BTG3: variants seen among roughly 807,000 people sequenced by gnomAD.
BTG3 encodes the protein protein BTG3.
A neutral mutation model predicts 25.8 loss-of-function variants in BTG3; 4 were observed. That is an observed-to-expected ratio of 0.16 (90% CI 0.08 to 0.36). The LOEUF (loss-of-function observed/expected upper bound fraction) is 0.36, where lower values mean the gene tolerates loss of function less well. Among genes scored for constraint, BTG3 ranks in the 10% least tolerant of loss-of-function variants. The pLI, the probability that BTG3 is intolerant of heterozygous loss-of-function variation, is 1.00. For synonymous variants in BTG3, 107 were observed against 99.9 expected (o/e 1.07, Z -0.42); for missense variants, 201 against 304.9 (o/e 0.66, Z 2.54).
At chr21:17,602,512 C>T (rs1226596051) in intron 3 of BTG3, among the ~76,000 whole-genome samples, 1 of 152,066 alleles carries the variant, frequency 6.6e-6, no homozygotes, top group African/African-American at 2.4e-5. Flanking sequence ...TTCTCAATGT[C>T]TTTTTCTTCT....
At chr21:17,601,892 A>T (rs1195830274) in intron 3 of BTG3, among the ~76,000 whole-genome samples, 1 of 152,188 alleles carries the variant, frequency 6.6e-6, no homozygotes, top group Non-Finnish European at 1.5e-5. Flanking sequence ...GATTTCTTTG[A>T]CACCTAGTTT....
At chr21:17,602,697 G>C (rs1174788656) in intron 3 of BTG3, among the ~76,000 whole-genome samples, 3 of 152,020 alleles carry the variant, frequency 2.0e-5, no homozygotes, top group Non-Finnish European at 4.4e-5. Context: ...TGAATGAAAA[G>C]GTTTTCTAAG....
intron 1 of BTG3, among the ~76,000 whole-genome samples, chr21:17,610,281 A>G (rs536777162): frequency 1.3e-5 from 2 of 152,324 alleles, no homozygotes; most frequent in East Asian, 3.9e-4. Flanking sequence ...TGAATATACT[A>G]AAACCATTGA....
At chr21:17,596,490 GTTT>G (rs1482546625) in intron 4 of BTG3, among the ~76,000 whole-genome samples, 1 of 151,580 alleles carries the variant, frequency 6.6e-6, no homozygotes, top group Non-Finnish European at 1.5e-5. Context: ...AGTTAGGTTC[GTTT>G]TTTTTCCTAC....
At chr21:17,599,984 A>G (rs1179008844) in intron 3 of BTG3, among the ~76,000 whole-genome samples, 1 of 152,220 alleles carries the variant, frequency 6.6e-6, no homozygotes, top group Non-Finnish European at 1.5e-5. Context: ...CTTAAATTAT[A>G]TTGCTTACTT....
Position 17,598,806 on chromosome 21 carries a change from A to C in BTG3, c.330T>G (p.Asn110Lys). 6.2e-7 allele frequency: 1 copy of C among 1,613,958 alleles called. No homozygotes were observed. The highest frequency in any genetic ancestry group is 8.5e-7 in the Non-Finnish European group (1 of 1,179,978). The change falls in exon 4 of 5, where the codon AAT becomes AAG. Residue 110 changes from asparagine to lysine, a missense_variant. Coordinates refer to ENST00000348354, the MANE Select transcript of BTG3 (RefSeq NM_006806.5). ...TTTCAAAGCTGGCAACAATGAATGC[A>C]TTGTTTTTCTCTCCATACCTAAGAA... ...EVCCRYGEKN[N>K]AFIVASFENK...
At chr21:17,598,519 C>G (rs1247748413) in intron 4 of BTG3, 98 bp downstream of exon 4, 1 of 1,009,890 alleles carries the variant, frequency 9.9e-7, no homozygotes, top group Admixed American at 2.7e-5. Context: ...TATCCAGAAT[C>G]TCAAGTCAGA....
intron 4 of BTG3, among the ~76,000 whole-genome samples, chr21:17,597,984 C>CA (rs1279965135): frequency 1.3e-5 from 2 of 152,024 alleles, no homozygotes; most frequent in African/African-American, 4.8e-5. Context: ...AGGCTCAACT[C>CA]AAAAAATCTC....
intron 4 of BTG3, among the ~76,000 whole-genome samples, chr21:17,598,294 C>T (rs1464381229): frequency 1.3e-5 from 2 of 152,086 alleles, no homozygotes; most frequent in Non-Finnish European, 2.9e-5. Context: ...CAAAGTGTTA[C>T]ATACTACAAA....
At chr21:17,604,745 A>C in intron 3 of BTG3, 115 bp downstream of exon 3, 1 of 1,277,046 alleles carries the variant, frequency 7.8e-7, no homozygotes, top group Non-Finnish European at 1.1e-6. Flanking sequence ...CATCTGAGAG[A>C]GTTAAACCAC....
At chr21:17,594,670 A>G (rs1316373281) in intron 4 of BTG3, among the ~76,000 whole-genome samples, 1 of 152,114 alleles carries the variant, frequency 6.6e-6, no homozygotes, top group African/African-American at 2.4e-5. Context: ...TGGCTAAGCC[A>G]GGAGTCACTT....
intron 1 of BTG3, among the ~76,000 whole-genome samples, chr21:17,610,021 TACA>T: frequency 6.6e-6 from 1 of 152,354 alleles, no homozygotes; most frequent in South Asian, 2.1e-4. Flanking sequence ...TAATATAAGC[TACA>T]ACATGGGTGA....
At chr21:17,594,635 G>C (rs902702773) in intron 4 of BTG3, among the ~76,000 whole-genome samples, 5 of 152,114 alleles carry the variant, frequency 3.3e-5, no homozygotes, top group Admixed American at 6.6e-5. Context: ...GGACATGCTT[G>C]TTTTAGTCCA....
chr21:17,593,664 A>C lies in BTG3; in HGVS notation c.*429T>G, dbSNP rs1390606038. 1.2e-5 allele frequency: 2 copies of C among 163,002 alleles called. No homozygotes were observed. Among genetic ancestry groups the C allele is most frequent in the African/African-American group, 2.4e-5 (1 of 41,830 alleles). The allele number at this position is 163,002 out of a possible 1,614,324, so 10.1% of individuals were successfully genotyped here. ...AGAAACACGCGTTGTCATGCCTCAAACTATTTTTTATTTGCAACTACATGA... is the reference window on the plus strand; with the variant it reads ...AGAAACACGCGTTGTCATGCCTCAACCTATTTTTTATTTGCAACTACATGA... On this transcript the variant is annotated 3_prime_UTR_variant, in exon 5 of 5. Transcript: ENST00000348354.
At position 17,598,695 on chromosome 21, in the gene BTG3, A is replaced by G. The variant is rs2061534844; in HGVS notation, c.441T>C (p.Ser147=). 6.2e-7 allele frequency: 1 copy of G among 1,614,168 alleles called. No homozygotes were observed. Among genetic ancestry groups the G allele is most frequent in the Non-Finnish European group, 8.5e-7 (1 of 1,180,016 alleles). Residue 147 remains serine, a synonymous_variant, in exon 4 of 5, where the codon TCT becomes TCC. Coordinates refer to ENST00000348354, the MANE Select transcript of BTG3 (RefSeq NM_006806.5). ...KVTSDYHSGS[S]SSDEETSKEM... Reference sequence around the variant, plus strand: ...CCTTACTTGTTTCTTCATCTGAAGAAGAGGATCCTGAATGATAATCAGAGG... The same window carrying G: ...CCTTACTTGTTTCTTCATCTGAAGAGGAGGATCCTGAATGATAATCAGAGG...
chr21:17,596,277 ATGAT>A (rs1405527520), intron 4 of BTG3, among the ~76,000 whole-genome samples: 1 of 152,034 alleles, frequency 6.6e-6, no homozygotes, highest in Non-Finnish European at 1.5e-5. Context: ...GAACAAAAAG[ATGAT>A]TAATTTTGAT....
At position 17,606,320 on chromosome 21, in the gene BTG3, G is replaced by A. The variant is rs77035536; in HGVS notation, c.174-1323C>T. Among the ~76,000 whole-genome samples, 1,266 of 152,194 alleles carry A rather than the reference G, an allele frequency of 8.3e-3. 25 individuals are homozygous for A. The highest frequency in any genetic ancestry group is 0.029 in the African/African-American group (1,189 of 41,532). On this transcript the variant is annotated intron_variant, in intron 2 of 4. Transcript: ENST00000348354. ...CAAATCCAGGCCACTAGACTCCAAAGAGCAAGTTATTTCCTTAATACTCAA... is the reference window on the plus strand; with the variant it reads ...CAAATCCAGGCCACTAGACTCCAAAAAGCAAGTTATTTCCTTAATACTCAA...
At chr21:17,599,869 T>C (rs2061550831) in intron 3 of BTG3, among the ~76,000 whole-genome samples, 2 of 152,030 alleles carry the variant, frequency 1.3e-5, no homozygotes, top group Non-Finnish European at 2.9e-5. Context: ...TTAACCCCAA[T>C]TAAATAAAAA....
At chr21:17,594,417 T>G (rs534529331) in intron 4 of BTG3, 85 bp from the exon 5 acceptor site, 1 of 1,253,194 alleles carries the variant, frequency 8.0e-7, no homozygotes, top group African/African-American at 1.6e-5. Context: ...ACAAACAAAG[T>G]TACCCACAAC....
Sources: allele counts gnomAD v4.1 joint callset (sites outside exome capture counted in the v4.1 genomes callset), GRCh38; gene constraint gnomAD v4.1.1; transcripts MANE v1.5; gene names NCBI Gene and HGNC (gene_info 2026-07-23, HGNC 2026-07-21).